Variants in SYN2 observed in about 807,000 individuals in gnomAD.
SYN2 encodes the protein synapsin-2.
In SYN2, 19 loss-of-function variants were observed where a neutral mutation model predicts 50.9. The observed-to-expected ratio is 0.37, with a 90% CI of 0.26 to 0.55. SYN2 has a LOEUF of 0.55. SYN2 is among the 20% of genes least tolerant of loss of function. SYN2 has a pLI of 0.81. For synonymous variants in SYN2, 255 were observed against 224.9 expected, an observed-to-expected ratio of 1.13 and a Z score of -1.20; for missense variants, 587 against 576.4, an observed-to-expected ratio of 1.02 and a Z score of -0.19.
Position 12,085,375 on chromosome 3 carries a change from ACACACGCACG to A in SYN2, c.378-55272_378-55263del, listed in dbSNP as rs763725739. Among the ~76,000 whole-genome samples the A allele has an allele frequency of 8.1e-3, 959 of 117,694 alleles. 4 individuals carry two copies. The highest frequency in any genetic ancestry group is 0.013 in the Non-Finnish European group (694 of 54,446). The allele number at this position is 117,694 out of a possible 152,430, so 77.2% of individuals were successfully genotyped here. The stretch of plus-strand genomic sequence containing the variant: ...AATACACACACACACACACACACAC[ACACACGCACG>A]CACGCACGCACTCGATGTCAGAGCA... On this transcript the variant is annotated intron_variant, in intron 1 of 12. Coordinates refer to ENST00000621198, the MANE Select transcript of SYN2 (RefSeq NM_133625.6).
In SYN2 at chr3:12,190,835, A is replaced by G; in HGVS notation, c.*210A>G. 1 of 1,332,722 alleles carries G rather than the reference A, an allele frequency of 7.5e-7. No homozygotes were observed. The highest frequency in any genetic ancestry group is 9.5e-7 in the Non-Finnish European group (1 of 1,047,672). 82.6% of individuals were successfully genotyped at this position (1,332,722 alleles called of 1,614,324 possible). A position where few individuals can be genotyped will look rare whatever the true frequency, so the allele number is the denominator to read the frequency against. On this transcript the variant is annotated 3_prime_UTR_variant, in exon 13 of 13. Coordinates refer to ENST00000621198, the MANE Select transcript of SYN2 (RefSeq NM_133625.6). ...GCCTACCCAGCAAGGGGTACCTGGCATCAGAGAGGAAAGAGCTGCTTCCCT... is the reference window on the plus strand; with the variant it reads ...GCCTACCCAGCAAGGGGTACCTGGCGTCAGAGAGGAAAGAGCTGCTTCCCT...
intron 1 of SYN2, among the ~76,000 whole-genome samples, chr3:12,098,301 G>C (rs1695987179): frequency 6.6e-6 from 1 of 152,146 alleles, no homozygotes; most frequent in Non-Finnish European, 1.5e-5. Context: ...CAAAAGTGAA[G>C]GAGAAATTAA....
At chr3:12,061,864 T>C (rs952683622) in intron 1 of SYN2, among the ~76,000 whole-genome samples, 1 of 152,010 alleles carries the variant, frequency 6.6e-6, no homozygotes, top group Admixed American at 6.6e-5. Context: ...AAAACTTTGA[T>C]GAAAGAAATC....
At chr3:12,014,871 A>T (rs1194664462) in intron 1 of SYN2, among the ~76,000 whole-genome samples, 3 of 152,212 alleles carry the variant, frequency 2.0e-5, no homozygotes, top group Non-Finnish European at 4.4e-5. Flanking sequence ...CAGAACTATC[A>T]CAAACAATAT....
In SYN2 at chr3:12,169,816, C is replaced by T; in HGVS notation, c.1218C>T (p.Ile406=). The T allele has an allele frequency of 1.2e-6, 2 of 1,613,974 alleles. No individual in the cohort carries two copies. The highest frequency in any genetic ancestry group is 1.7e-6 in the Non-Finnish European group (2 of 1,179,886). Residue 406 remains isoleucine, a synonymous_variant, in exon 10 of 13, where the codon ATC becomes ATT. Coordinates refer to ENST00000621198, the MANE Select transcript of SYN2 (RefSeq NM_133625.6). ...ATCAGGTGGAGGACAGGCAACTCATCACCGAACTAGTCATCAGCAAGATGA... is the reference window on the plus strand; with the variant it reads ...ATCAGGTGGAGGACAGGCAACTCATTACCGAACTAGTCATCAGCAAGATGA... ...GEHQVEDRQL[I]TELVISKMNQ...
chr3:12,090,484 C>T (rs1173892552), intron 1 of SYN2, among the ~76,000 whole-genome samples: 2 of 151,712 alleles, frequency 1.3e-5, no homozygotes, highest in Non-Finnish European at 2.9e-5. Context: ...AAATTTCTGG[C>T]TCTGCCACTT....
At chr3:12,015,545 G>T (rs926081460) in intron 1 of SYN2, among the ~76,000 whole-genome samples, 12 of 152,202 alleles carry the variant, frequency 7.9e-5, no homozygotes, top group African/African-American at 2.2e-4. Flanking sequence ...TAACTAGTCA[G>T]CAAGTAGTGG....
intron 1 of SYN2, among the ~76,000 whole-genome samples, chr3:12,059,828 C>A (rs918464388): frequency 6.6e-6 from 1 of 152,064 alleles, no homozygotes; most frequent in Non-Finnish European, 1.5e-5. Flanking sequence ...TAAAGGGGGT[C>A]CCTGCTCTGT....
At chr3:12,009,779 T>C (rs1298562080) in intron 1 of SYN2, among the ~76,000 whole-genome samples, 1 of 152,234 alleles carries the variant, frequency 6.6e-6, no homozygotes, top group Non-Finnish European at 1.5e-5. Context: ...ATTTATGTTA[T>C]TGTTGTTTCA....
At chr3:12,148,291 G>A (rs1045517630) in intron 4 of SYN2, among the ~76,000 whole-genome samples, 1 of 152,182 alleles carries the variant, frequency 6.6e-6, no homozygotes, top group Admixed American at 6.5e-5. Flanking sequence ...GGCCCTGCAT[G>A]AGGAGAACAG....
At chr3:12,102,473 C>G (rs1200947257) in intron 1 of SYN2, among the ~76,000 whole-genome samples, 1 of 152,022 alleles carries the variant, frequency 6.6e-6, no homozygotes, top group Non-Finnish European at 1.5e-5. Flanking sequence ...TTATTATGAT[C>G]CGATTTTGTG....
chr3:12,123,888 G>C (rs2125204395), intron 1 of SYN2, among the ~76,000 whole-genome samples: 1 of 152,244 alleles, frequency 6.6e-6, no homozygotes, highest in Middle Eastern at 3.4e-3. Context: ...GTGTGTGCCT[G>C]TAGTCCCAAC....
intron 1 of SYN2, among the ~76,000 whole-genome samples, chr3:12,103,772 C>A (rs1013505163): frequency 1.4e-4 from 22 of 151,930 alleles, no homozygotes; most frequent in Admixed American, 1.2e-3. Flanking sequence ...CAGTCCAAGG[C>A]AAAACTGGAC....
At position 12,140,323 on chromosome 3, in the gene SYN2, A is replaced by G. The variant is rs143151597; in HGVS notation, c.378-328A>G. On this transcript the variant is annotated intron_variant, in intron 1 of 12. Coordinates refer to ENST00000621198, the MANE Select transcript of SYN2 (RefSeq NM_133625.6). ...GAAAATAAGGAAACTGCAGAGATGT[A>G]TAAAGCTGATCTAGCCTTTATGAAG... 2.5e-3 allele frequency among the ~76,000 whole-genome samples: 385 copies of G among 152,222 alleles called. 2 individuals carry two copies. The highest frequency in any genetic ancestry group is 8.7e-3 in the African/African-American group (361 of 41,578).
chr3:12,130,493 G>A (rs1639139352), intron 1 of SYN2, among the ~76,000 whole-genome samples: 1 of 152,138 alleles, frequency 6.6e-6, no homozygotes, highest in African/African-American at 2.4e-5. Context: ...CCACATTTTT[G>A]TTCTAATCAG....
At chr3:12,124,533 C>T (rs952964505) in intron 1 of SYN2, among the ~76,000 whole-genome samples, 1 of 151,950 alleles carries the variant, frequency 6.6e-6, no homozygotes, top group Non-Finnish European at 1.5e-5. Context: ...GCATTACTTG[C>T]AATAAGAAAT....
At chr3:12,139,126 G>A (rs140524854) in intron 1 of SYN2, among the ~76,000 whole-genome samples, 5 of 152,302 alleles carry the variant, frequency 3.3e-5, no homozygotes, top group African/African-American at 1.2e-4. Context: ...CCAGCTCCAG[G>A]ATGGCTGAGT....
chr3:12,094,204 T>C (rs1170547879), intron 1 of SYN2, among the ~76,000 whole-genome samples: 1 of 152,174 alleles, frequency 6.6e-6, no homozygotes, highest in Non-Finnish European at 1.5e-5. Flanking sequence ...TTAATCTGTT[T>C]TGTGTGTGTT....
chr3:12,067,833 A>G (rs1217490093), intron 1 of SYN2, among the ~76,000 whole-genome samples: 1 of 152,216 alleles, frequency 6.6e-6, no homozygotes, highest in Non-Finnish European at 1.5e-5. Context: ...GGCTGAGATG[A>G]TAGGACAACT....
Sources: gnomAD v4.1 joint callset for allele counts (sites outside exome capture counted in the v4.1 genomes callset) on GRCh38, gnomAD v4.1.1 for gene constraint, MANE v1.5 for transcripts, NCBI Gene and HGNC (gene_info 2026-07-23, HGNC 2026-07-21) for gene names.